RHBDF1: variants seen among roughly 807,000 people sequenced by gnomAD.
The protein encoded by RHBDF1 is inactive rhomboid protein 1.
In RHBDF1, 80 loss-of-function variants were observed where a neutral mutation model predicts 98.6. The observed-to-expected ratio is 0.81, with a 90% CI of 0.68 to 0.98. RHBDF1 has a LOEUF of 0.98. Among genes scored for constraint, RHBDF1 ranks in the 50% least tolerant of loss-of-function variants. The pLI, the probability that RHBDF1 is intolerant of heterozygous loss-of-function variation, is 0.00. For synonymous variants in RHBDF1, 512 were observed against 486.8 expected (o/e 1.05, Z -0.68); for missense variants, 1,116 against 1,198.3 (o/e 0.93, Z 1.01).
chr16:74,166 A>G (rs1898044178), upstream of RHBDF1, among the ~76,000 whole-genome samples: 1 of 152,152 alleles, frequency 6.6e-6, no homozygotes, highest in Non-Finnish European at 1.5e-5. Flanking sequence ...GTGCTCCGAT[A>G]GCCTGCACGT....
At chr16:74,872 C>T (rs1384468644), upstream of RHBDF1, 2 of 151,504 alleles carry the variant, frequency 1.3e-5, no homozygotes, top group African/African-American at 2.4e-5. Flanking sequence ...TGTAATTTTC[C>T]ACTGCCCGCC....
intron 7 of RHBDF1, 126 bp downstream of exon 7, chr16:62,412 G>T (rs1405305305): frequency 1.6e-6 from 2 of 1,289,886 alleles, no homozygotes; most frequent in Non-Finnish European, 2.1e-6. Flanking sequence ...CCAGTGAGTA[G>T]TGAGTTCCCA....
intron 6 of RHBDF1, 26 bp downstream of exon 6, chr16:62,749 G>T (rs377356760): frequency 6.3e-5 from 102 of 1,613,910 alleles, no homozygotes; most frequent in Non-Finnish European, 8.0e-5. Context: ...AACGTGGGGT[G>T]GGGGGACACC....
rs778216721 is a variant in RHBDF1 at position 58,391 on chromosome 16, G to A, written c.2517C>T (p.Pro839=). 4 of 1,613,800 alleles carry A rather than the reference G, an allele frequency of 2.5e-6. No individual in the cohort carries two copies. The highest frequency in any genetic ancestry group is 1.1e-5 in the South Asian group (1 of 91,086). The change falls in exon 18 of 18, where the codon CCC becomes CCT. Residue 839 remains proline, a synonymous_variant. Coordinates refer to ENST00000262316, the MANE Select transcript of RHBDF1 (RefSeq NM_022450.5). The part of the protein sequence containing the change: ...CEWCEFLTCI[P]FTDKFCEKYE... ...ACTTCTCACAGAACTTGTCAGTGAA[G>A]GGGATGCAGGTGAGGAACTCACACC...
At chr16:60,042 T>C in intron 13 of RHBDF1, 174 bp downstream of exon 13, 2 of 1,480,874 alleles carry the variant, frequency 1.4e-6, no homozygotes, top group African/African-American at 1.4e-5. Context: ...ATCTACTTGC[T>C]CAGAGGGGCA....
Position 62,064 on chromosome 16 carries a change from C to T in RHBDF1, c.954-12G>A. On this transcript the variant is annotated splice_polypyrimidine_tract_variant and intron_variant, in intron 7 of 17. Transcript: ENST00000262316. ...CTCGCTCCAAGGGCCTGGAGGGAGC[C>T]GGCATTCACCTCCCGCCCCAGCCCC... 7 of 1,446,994 alleles carry T rather than the reference C, an allele frequency of 4.8e-6. No homozygotes were observed. Among genetic ancestry groups the T allele is most frequent in the Non-Finnish European group, 5.4e-6 (6 of 1,104,060 alleles). The allele number at this position is 1,446,994 out of a possible 1,614,324, so 89.6% of individuals were successfully genotyped here. A position where few individuals can be genotyped will look rare whatever the true frequency, so the allele number is the denominator to read the frequency against.
upstream of RHBDF1, chr16:73,963 G>A: frequency 1.0e-6 from 1 of 985,154 alleles, no homozygotes; most frequent in Non-Finnish European, 1.2e-6. Flanking sequence ...CCATATCCTT[G>A]TCCATGCCAC....
Position 72,540 on chromosome 16 carries a change from C to T in RHBDF1, c.-52G>A. 1.1e-6 allele frequency: 1 copy of T among 881,896 alleles called. No individual in the cohort carries two copies. Among genetic ancestry groups the T allele is most frequent in the Non-Finnish European group, 1.3e-6 (1 of 787,522 alleles). The allele number at this position is 881,896 out of a possible 1,614,324, so 54.6% of individuals were successfully genotyped here. A position where few individuals can be genotyped will look rare whatever the true frequency, so the allele number is the denominator to read the frequency against. ...CCGCCGCCGGGGGCTCTGGGGGGTC[C>T]TGAGGGCGCCGGGGAGGAGGCTGCC... On this transcript the variant is annotated 5_prime_UTR_variant, in exon 1 of 18. Transcript: ENST00000262316.
At position 63,655 on chromosome 16, in the gene RHBDF1, C is replaced by T. The variant is rs772859247; in HGVS notation, c.394G>A (p.Val132Met). ...GGCGTCTCGGTGCTGGTCAGCGACA[C>T]GTTGTCCTGGCTGGGCAGGTCCAGC... ...RELDLPSQDNVSLTSTETPPP... is the reference protein window; with the variant it reads ...RELDLPSQDNMSLTSTETPPP... The change falls in exon 4 of 18, where the codon GTG becomes ATG. Residue 132 changes from valine to methionine, a missense_variant. Physicochemically the swap from Val to Met is conservative, Grantham distance 21 (BLOSUM62 1). Transcript: ENST00000262316. 8 of 1,609,736 alleles carry T rather than the reference C, an allele frequency of 5.0e-6. No homozygotes were observed. The highest frequency in any genetic ancestry group is 1.3e-5 in the African/African-American group (1 of 74,936).
rs755897307 is a variant in RHBDF1, at chr16:59,093, TC to T, written c.2028del (p.Met677Ter). The T allele has an allele frequency of 1.9e-6, 3 of 1,613,520 alleles. No individual in the cohort carries two copies. The highest frequency in any genetic ancestry group is 2.5e-6 in the Non-Finnish European group (3 of 1,180,002). ...TTCTCCAGGTCCCGCAGGACAGTCA[TC>T]TGGAAGCAGATGGACACCAGGCAGT... is the stretch of plus-strand genomic sequence containing the variant. ...ILHCLVSICF[Q>X]MTVLRDLEKL... is the part of the protein sequence containing the mutation. On this transcript the variant is annotated frameshift_variant, in exon 17 of 18. Coordinates refer to ENST00000262316, the MANE Select transcript of RHBDF1 (RefSeq NM_022450.5). LOFTEE classifies it high-confidence loss of function.
chr16:71,019 G>A (rs1423703274), intron 1 of RHBDF1, among the ~76,000 whole-genome samples: 1 of 152,248 alleles, frequency 6.6e-6, no homozygotes. Flanking sequence ...GGCCCTCACA[G>A]CCAAGAGCAA....
chr16:70,060 G>A (rs1485565836), intron 1 of RHBDF1, among the ~76,000 whole-genome samples: 2 of 152,220 alleles, frequency 1.3e-5, no homozygotes, highest in Admixed American at 6.5e-5. Context: ...TGGCACAGGG[G>A]TCACCAGAGC....
At chr16:67,021 C>A (rs933327859) in intron 1 of RHBDF1, among the ~76,000 whole-genome samples, 1 of 152,200 alleles carries the variant, frequency 6.6e-6, no homozygotes, top group Admixed American at 6.5e-5. Flanking sequence ...CCAGCCACAG[C>A]GTGAAGGGGT....
At chr16:69,693 A>T (rs1276506469) in intron 1 of RHBDF1, among the ~76,000 whole-genome samples, 1 of 152,186 alleles carries the variant, frequency 6.6e-6, no homozygotes, top group Non-Finnish European at 1.5e-5. Flanking sequence ...CATCATGCTG[A>T]GAATGATATT....
chr16:68,251 G>A (rs1049031858), intron 1 of RHBDF1, among the ~76,000 whole-genome samples: 4 of 152,224 alleles, frequency 2.6e-5, no homozygotes, highest in African/African-American at 9.6e-5. Flanking sequence ...GGGCAGTGCT[G>A]GGTGTTCTGG....
chr16:64,828 G>C lies in RHBDF1; in HGVS notation c.119C>G (p.Pro40Arg), dbSNP rs376990849. Residue 40 changes from proline to arginine, a missense_variant and splice_region_variant, in exon 3 of 18, where the codon CCC (proline) becomes CGC (arginine). Physicochemically the swap from Pro to Arg is moderately radical, Grantham distance 103. Transcript: ENST00000262316. ...LTAEEPSFLQ[P>R]LRRQAFLRSV... ...CCTCAGGAAAGCCTGTCGCCTCAGG[G>C]GCTGGGCAACAGGGTCATGGTGAGG... 1.4e-5 allele frequency: 22 copies of C among 1,613,970 alleles called. No homozygotes were observed. Among genetic ancestry groups the C allele is most frequent in the Non-Finnish European group, 1.9e-5 (22 of 1,180,014 alleles).
At chr16:59,546 C>T in intron 14 of RHBDF1, 52 bp from the exon 15 acceptor site, 1 of 1,577,008 alleles carries the variant, frequency 6.3e-7, no homozygotes, top group South Asian at 1.1e-5. Context: ...AGGGGGATTG[C>T]TGGCATCCAG....
chr16:71,489 G>T (rs982826972), intron 1 of RHBDF1, among the ~76,000 whole-genome samples: 1 of 152,180 alleles, frequency 6.6e-6, no homozygotes, highest in Non-Finnish European at 1.5e-5. Context: ...GAGGAGAACC[G>T]AGCCTGGGAC....
chr16:72,390 A>G, intron 1 of RHBDF1, 123 bp downstream of exon 1: 1 of 380,838 alleles, frequency 2.6e-6, no homozygotes, highest in Non-Finnish European at 3.6e-6. Context: ...CCCGGCCCCG[A>G]CACGGCCCCG....
Sources: allele counts gnomAD v4.1 joint callset (sites outside exome capture counted in the v4.1 genomes callset), GRCh38; gene constraint gnomAD v4.1.1; transcripts MANE v1.5; gene names NCBI Gene and HGNC (gene_info 2026-07-23, HGNC 2026-07-21).